RAB3C: variants seen among roughly 807,000 people sequenced by gnomAD.
RAB3C encodes RAB3C, member RAS oncogene family.
A neutral mutation model predicts 26.4 loss-of-function variants in RAB3C; 17 were observed. The observed-to-expected ratio is 0.64, with a 90% CI of 0.44 to 0.97. The LOEUF (loss-of-function observed/expected upper bound fraction) is 0.97. Among genes scored for constraint, RAB3C ranks in the 50% least tolerant of loss-of-function variants. The pLI, the probability that RAB3C is intolerant of heterozygous loss-of-function variation, is 0.00. For missense variants in RAB3C, 242 were observed against 281.9 expected (o/e 0.86, Z 1.01); for synonymous variants, 91 against 95.9 (o/e 0.95, Z 0.30).
chr5:58,596,699 TA>T (rs1746273394), intron 1 of RAB3C, among the ~76,000 whole-genome samples: 1 of 27,532 alleles, frequency 3.6e-5, no homozygotes, highest in East Asian at 4.4e-4. Flanking sequence ...ATACATAATA[TA>T]TTATATATAA....
intron 2 of RAB3C, among the ~76,000 whole-genome samples, chr5:58,687,444 A>C (rs538795980): frequency 6.1e-4 from 93 of 152,262 alleles, no homozygotes; most frequent in Middle Eastern, 6.8e-3. Flanking sequence ...AATGAAGGTA[A>C]CTAATTGTGG....
chr5:58,690,064 A>G (rs1748531998), intron 2 of RAB3C, among the ~76,000 whole-genome samples: 2 of 152,148 alleles, frequency 1.3e-5, no homozygotes, highest in Non-Finnish European at 2.9e-5. Context: ...TCCTCCTATA[A>G]GAATTACTTT....
chr5:58,618,051 G>T lies in RAB3C; in HGVS notation c.252+181G>T, dbSNP rs567584557. Among the ~76,000 whole-genome samples, 40 of 130,900 alleles carry T rather than the reference G, an allele frequency of 3.1e-4. No individual in the cohort carries two copies. In the South Asian group the frequency reaches 6.2e-3, roughly 20 times the overall value. 85.9% of individuals were successfully genotyped at this position (130,900 alleles called of 152,430 possible). ...GTGGTGATGCCTCTTTAAGACATGA[G>T]GGGTGAATTATTATTATGCCTTGTT... On this transcript the variant is annotated intron_variant, in intron 2 of 4. Coordinates refer to ENST00000282878, the MANE Select transcript of RAB3C (RefSeq NM_138453.4).
chr5:58,679,669 A>G (rs978506778), intron 2 of RAB3C, among the ~76,000 whole-genome samples: 6 of 152,168 alleles, frequency 3.9e-5, no homozygotes, highest in Non-Finnish European at 8.8e-5. Context: ...CCTGAAAATG[A>G]TGTCTTCATA....
At chr5:58,756,698 G>T (rs1741675392) in intron 3 of RAB3C, among the ~76,000 whole-genome samples, 1 of 139,752 alleles carries the variant, frequency 7.2e-6, no homozygotes. Context: ...TGTGATGTTT[G>T]GTTTTCTGTT....
intron 2 of RAB3C, among the ~76,000 whole-genome samples, chr5:58,671,281 C>T (rs189701999): frequency 1.3e-5 from 2 of 152,226 alleles, no homozygotes; most frequent in African/African-American, 4.8e-5. Flanking sequence ...ATTCTCCCCC[C>T]ACTTTGAAAT....
At chr5:58,686,292 C>A (rs1020210646) in intron 2 of RAB3C, among the ~76,000 whole-genome samples, 3 of 152,048 alleles carry the variant, frequency 2.0e-5, no homozygotes, top group African/African-American at 7.2e-5. Context: ...AATACCCAAA[C>A]AACACATAGA....
chr5:58,648,679 G>A (rs1227101545), intron 2 of RAB3C, among the ~76,000 whole-genome samples: 1 of 152,080 alleles, frequency 6.6e-6, no homozygotes, highest in African/African-American at 2.4e-5. Context: ...ATCTTTATCA[G>A]TGTAAAATAG....
chr5:58,603,551 C>A (rs779867545), intron 1 of RAB3C, among the ~76,000 whole-genome samples: 1 of 152,096 alleles, frequency 6.6e-6, no homozygotes, highest in Non-Finnish European at 1.5e-5. Flanking sequence ...AATTCAAAGA[C>A]CTTGTCTTCA....
chr5:58,716,761 C>T (rs939737747), intron 2 of RAB3C, among the ~76,000 whole-genome samples: 5 of 148,158 alleles, frequency 3.4e-5, no homozygotes, highest in African/African-American at 7.5e-5. Context: ...AACCATGACT[C>T]GAATAGATCT....
intron 3 of RAB3C, among the ~76,000 whole-genome samples, chr5:58,776,740 T>C (rs1341246521): frequency 6.6e-6 from 1 of 152,084 alleles, no homozygotes; most frequent in Non-Finnish European, 1.5e-5. Flanking sequence ...GATATCACAG[T>C]CCATTGCAGT....
At chr5:58,647,641 G>C (rs1010857542) in intron 2 of RAB3C, 2 of 152,084 alleles carry the variant, frequency 1.3e-5, no homozygotes, top group African/African-American at 4.8e-5. Context: ...CTATACTTTG[G>C]CTGACAGTCC....
intron 2 of RAB3C, among the ~76,000 whole-genome samples, chr5:58,627,212 A>G (rs1271337408): frequency 6.6e-6 from 1 of 152,174 alleles, no homozygotes; most frequent in Non-Finnish European, 1.5e-5. Context: ...TGATTTCCTC[A>G]GGATATTGCC....
rs1744120684 is a variant in RAB3C at position 58,851,765 on chromosome 5, T to TGC, written c.*415_*416dup. On this transcript the variant is annotated 3_prime_UTR_variant, in exon 5 of 5. Transcript: ENST00000282878. ...GTGTGTGTGTGTGTGTGTGTGTGTG[T>TGC]GCACGCATGCCCGCATGCGTGCAGA... The TGC allele has an allele frequency of 1.4e-5, 2 of 145,198 alleles. No individual in the cohort carries two copies. Among genetic ancestry groups the TGC allele is most frequent in the East Asian group, 2.0e-4 (1 of 5,060 alleles). 9.0% of individuals were successfully genotyped at this position (145,198 alleles called of 1,614,324 possible).
intron 1 of RAB3C, among the ~76,000 whole-genome samples, chr5:58,603,201 T>A (rs1046179544): frequency 6.6e-6 from 1 of 152,200 alleles, no homozygotes; most frequent in Non-Finnish European, 1.5e-5. Flanking sequence ...CTGATAGGTT[T>A]TCCTTTATAG....
At chr5:58,767,699 G>C (rs1741936636) in intron 3 of RAB3C, among the ~76,000 whole-genome samples, 1 of 152,092 alleles carries the variant, frequency 6.6e-6, no homozygotes, top group African/African-American at 2.4e-5. Context: ...TCAGTGGATT[G>C]GAAGCACTAA....
chr5:58,793,766 A>G (rs56260311), intron 3 of RAB3C, among the ~76,000 whole-genome samples: 3 of 152,108 alleles, frequency 2.0e-5, no homozygotes, highest in African/African-American at 7.2e-5. Flanking sequence ...TTTTAAAAGC[A>G]TCTGTGTATT....
chr5:58,827,452 T>A (rs3902004), intron 4 of RAB3C, among the ~76,000 whole-genome samples: 25,541 of 152,176 alleles, frequency 0.17, 2,332 homozygotes, highest in Non-Finnish European at 0.21. Flanking sequence ...ACTGGCTAAA[T>A]TTTTTAACAC....
chr5:58,616,806 C>T (rs980118465), intron 1 of RAB3C, among the ~76,000 whole-genome samples: 1 of 152,108 alleles, frequency 6.6e-6, no homozygotes, highest in Non-Finnish European at 1.5e-5. Context: ...TCCTTTGATG[C>T]ATTTCACAAT....
Sources: gnomAD v4.1 joint callset for allele counts (sites outside exome capture counted in the v4.1 genomes callset) on GRCh38, gnomAD v4.1.1 for gene constraint, MANE v1.5 for transcripts, NCBI Gene and HGNC (gene_info 2026-07-23, HGNC 2026-07-21) for gene names.